Variants in HELZ observed in about 807,000 individuals in gnomAD.
The protein encoded by HELZ is ATP-dependent RNA helicase with zinc finger domain.
HELZ carries 23 observed loss-of-function variants against 218.2 expected under a neutral mutation model. That is an observed-to-expected ratio of 0.11 (90% CI 0.08 to 0.15). HELZ has a LOEUF of 0.15. HELZ is among the 10% of genes least tolerant of loss of function. HELZ has a pLI of 1.00. For missense variants in HELZ, 1,813 were observed against 2,353.7 expected (o/e 0.77, Z 4.75); for synonymous variants, 814 against 829.4 (o/e 0.98, Z 0.32).
chr17:67,157,952 A>G (rs1006838449), intron 17 of HELZ, among the ~76,000 whole-genome samples: 1 of 152,104 alleles, frequency 6.6e-6, no homozygotes, highest in Admixed American at 6.6e-5. Context: ...CACACACAAA[A>G]ATATTTTCCC....
chr17:67,166,468 C>T lies in HELZ; in HGVS notation c.1895+10G>A, dbSNP rs1286506045. 1.9e-6 allele frequency: 3 copies of T among 1,604,794 alleles called. No individual in the cohort carries two copies. The highest frequency in any genetic ancestry group is 2.6e-6 in the Non-Finnish European group (3 of 1,174,236). ...CTAACTTCCTTTAATAAGATATCGCCTTTTTGTACCTGTTAGGACTCCATG... is the reference window on the plus strand; with the variant it reads ...CTAACTTCCTTTAATAAGATATCGCTTTTTTGTACCTGTTAGGACTCCATG... On this transcript the variant is annotated intron_variant, in intron 15 of 32. Transcript: ENST00000358691.
At chr17:67,232,714 G>A (rs892897125) in intron 3 of HELZ, among the ~76,000 whole-genome samples, 1 of 152,192 alleles carries the variant, frequency 6.6e-6, no homozygotes, top group Admixed American at 6.5e-5. Flanking sequence ...TGCAGAGGGA[G>A]GAAACAGATG....
rs368695639 is a variant in HELZ at position 67,160,918 on chromosome 17, A to G, written c.2054T>C (p.Ile685Thr). Reference protein sequence around the residue: ...TFTLAQAVKHILQQQETRILI... With the variant: ...TFTLAQAVKHTLQQQETRILI... ...TCACCTAGTCTCCTGTTGCTGCAGAATATGTTTGACAGCCTGAGCTAGAGT... is the reference window on the plus strand; with the variant it reads ...TCACCTAGTCTCCTGTTGCTGCAGAGTATGTTTGACAGCCTGAGCTAGAGT... Residue 685 changes from isoleucine (I) to threonine (T), a missense_variant, in exon 16 of 33, where the codon ATT (isoleucine) becomes ACT (threonine). Coordinates refer to ENST00000358691, the MANE Select transcript of HELZ (RefSeq NM_014877.4). 2 of 1,607,346 alleles carry G rather than the reference A, an allele frequency of 1.2e-6. No individual in the cohort carries two copies. Among genetic ancestry groups the G allele is most frequent in the Admixed American group, 1.7e-5 (1 of 59,026 alleles).
intron 6 of HELZ, 143 bp from the exon 7 acceptor site, chr17:67,201,328 G>A (rs930824633): frequency 2.8e-5 from 16 of 561,952 alleles, no homozygotes; most frequent in Admixed American, 6.1e-5. Context: ...TACCATTAAC[G>A]ATGACAATAA....
At chr17:67,123,455 T>C (rs1188484486) in intron 25 of HELZ, among the ~76,000 whole-genome samples, 1 of 152,170 alleles carries the variant, frequency 6.6e-6, no homozygotes, top group Non-Finnish European at 1.5e-5. Flanking sequence ...ATGCACACAC[T>C]CCTAGTAAAC....
At chr17:67,245,329 C>A (rs576476721), upstream of HELZ, 1 of 751,556 alleles carries the variant, frequency 1.3e-6, no homozygotes, top group South Asian at 5.8e-5. Context: ...CTGCCGACCC[C>A]GGCGCCCGCA....
At chr17:67,084,648 G>C (rs1257053047) in intron 32 of HELZ, among the ~76,000 whole-genome samples, 1 of 129,310 alleles carries the variant, frequency 7.7e-6, no homozygotes. Flanking sequence ...GGGCGACAGA[G>C]CGAGACTCCG....
At chr17:67,086,611 TATAA>T (rs1248030114) in intron 32 of HELZ, among the ~76,000 whole-genome samples, 2 of 97,350 alleles carry the variant, frequency 2.1e-5, no homozygotes, top group East Asian at 5.4e-4. Flanking sequence ...AATATATATA[TATAA>T]ATAAATATAA....
At chr17:67,234,515 C>CTACAATCCA (rs1252017961) in intron 3 of HELZ, among the ~76,000 whole-genome samples, 1 of 151,906 alleles carries the variant, frequency 6.6e-6, no homozygotes, top group East Asian at 1.9e-4. Context: ...GTTCTCTTCC[C>CTACAATCCA]TACAATCCAT....
In HELZ at chr17:67,236,034, A is replaced by G. The variant is rs192751347; in HGVS notation, c.-19+3399T>C. ...CTTGGCCTCCCAAAGTGCTGGGATT[A>G]CAGGCGTGAGCCACTGCACCCAGCC... On this transcript the variant is annotated intron_variant, in intron 3 of 32. Coordinates refer to ENST00000358691, the MANE Select transcript of HELZ (RefSeq NM_014877.4). Among the ~76,000 whole-genome samples the G allele has an allele frequency of 4.3e-3, 659 of 152,224 alleles. 7 individuals carry two copies. The highest frequency in any genetic ancestry group is 0.015 in the African/African-American group (627 of 41,542).
chr17:67,095,570 C>T (rs1183021568), intron 31 of HELZ, among the ~76,000 whole-genome samples: 2 of 152,020 alleles, frequency 1.3e-5, no homozygotes, highest in Non-Finnish European at 2.9e-5. Flanking sequence ...GGAAGAAATT[C>T]CTCATCTACC....
At chr17:67,130,594 T>C (rs936182161) in intron 23 of HELZ, among the ~76,000 whole-genome samples, 1 of 152,166 alleles carries the variant, frequency 6.6e-6, no homozygotes, top group African/African-American at 2.4e-5. Context: ...ATGAAGGAAT[T>C]GTGCTTTTTT....
At chr17:67,159,357 T>C (rs1183697406) in intron 17 of HELZ, among the ~76,000 whole-genome samples, 1 of 152,164 alleles carries the variant, frequency 6.6e-6, no homozygotes, top group Non-Finnish European at 1.5e-5. Flanking sequence ...GTTTTTTTAA[T>C]GGAACTCTAA....
chr17:67,234,484 A>G (rs1485597345), intron 3 of HELZ, among the ~76,000 whole-genome samples: 1 of 151,850 alleles, frequency 6.6e-6, no homozygotes, highest in Non-Finnish European at 1.5e-5. Context: ...CTATGAACCC[A>G]ACTAAAGGCC....
At chr17:67,208,870 C>T (rs2040374234) in intron 5 of HELZ, among the ~76,000 whole-genome samples, 1 of 150,536 alleles carries the variant, frequency 6.6e-6, no homozygotes, top group African/African-American at 2.4e-5. Flanking sequence ...CCCAGAAGGT[C>T]ATCAAAGCTG....
At chr17:67,088,162 A>G (rs1406985401) in intron 31 of HELZ, among the ~76,000 whole-genome samples, 1 of 152,250 alleles carries the variant, frequency 6.6e-6, no homozygotes, top group Non-Finnish European at 1.5e-5. Flanking sequence ...TGTAATATAT[A>G]AAGATAAGAT....
chr17:67,071,987 A>C lies in HELZ; in HGVS notation c.*6265T>G, dbSNP rs762806701. 6.9e-6 allele frequency: 1 copy of C among 145,126 alleles called. No homozygotes were observed. The highest frequency in any genetic ancestry group is 1.5e-5 in the Non-Finnish European group (1 of 67,044). 9.0% of individuals were successfully genotyped at this position (145,126 alleles called of 1,614,324 possible). A position where few individuals can be genotyped will look rare whatever the true frequency, so the allele number is the denominator to read the frequency against. ...GAGAAACACATAATTTGAAAAACAAATCCTTTGCCCTCACCACCCTCCCCC... is the reference window on the plus strand; with the variant it reads ...GAGAAACACATAATTTGAAAAACAACTCCTTTGCCCTCACCACCCTCCCCC... On this transcript the variant is annotated 3_prime_UTR_variant, in exon 33 of 33. Transcript: ENST00000358691.
rs1188019292 is a variant in HELZ, at chr17:67,108,451, G to A, written c.4724+41C>T. 1.4e-6 allele frequency: 2 copies of A among 1,432,804 alleles called. No individual in the cohort carries two copies. The highest frequency in any genetic ancestry group is 3.4e-5 in the Admixed American group (2 of 59,478). 88.8% of individuals were successfully genotyped at this position (1,432,804 alleles called of 1,614,324 possible). ...TACAGTCAAAAAAGAGAACAGTGAG[G>A]GGGTCGCATTCCAGGGGCTATTTTC... On this transcript the variant is annotated intron_variant, in intron 30 of 32. Coordinates refer to ENST00000358691, the MANE Select transcript of HELZ (RefSeq NM_014877.4). This position sits in a 1 kb window ranked among gnomAD's most constrained non-coding sequence, Gnocchi z 4.1.
At chr17:67,194,461 C>G (rs956073941) in intron 8 of HELZ, among the ~76,000 whole-genome samples, 1 of 152,184 alleles carries the variant, frequency 6.6e-6, no homozygotes, top group East Asian at 1.9e-4. Context: ...CACTACTGCA[C>G]AGTGAGAAGA....
Sources: gnomAD v4.1 joint callset for allele counts (sites outside exome capture counted in the v4.1 genomes callset) on GRCh38, gnomAD v4.1.1 for gene constraint, Gnocchi (gnomAD v3.1) non-coding constraint, MANE v1.5 for transcripts, NCBI Gene and HGNC (gene_info 2026-07-23, HGNC 2026-07-21) for gene names.